SLC6A18: variants seen among roughly 807,000 people sequenced by gnomAD.
The protein encoded by SLC6A18 is inactive sodium-dependent neutral amino acid transporter B(0)AT3.
Under a neutral mutation model 62.9 loss-of-function variants are expected in SLC6A18, and 58 were observed. The observed-to-expected ratio is 0.92, with a 90% CI of 0.75 to 1.15. The LOEUF (loss-of-function observed/expected upper bound fraction) is 1.15, where lower values mean the gene tolerates loss of function less well. Among genes scored for constraint, SLC6A18 ranks in the 50% most tolerant of loss-of-function variants. The pLI is 0.00. For missense variants in SLC6A18, 793 were observed against 836.6 expected (o/e 0.95, Z 0.64); for synonymous variants, 382 against 365.8 (o/e 1.04, Z -0.51).
chr5:1,245,957 A>G lies in SLC6A18; in HGVS notation c.1766A>G (p.Gln589Arg). Residue 589 changes from glutamine to arginine, a missense_variant, in exon 12 of 12, where the codon CAG (glutamine) becomes CGG (arginine). Physicochemically the swap from Gln to Arg is conservative, Grantham distance 43. Transcript: ENST00000324642. ...VLWVPVAALA[Q>R]LLTRRRRTWR... The stretch of plus-strand genomic sequence containing the variant: ...TGGGTCCCGGTGGCCGCGCTTGCTC[A>G]GCTGCTCACCCGGCGGAGGCGGACG... 1 of 1,602,110 alleles carries G rather than the reference A, an allele frequency of 6.2e-7. No individual in the cohort carries two copies. Among genetic ancestry groups the G allele is most frequent in the Non-Finnish European group, 8.5e-7 (1 of 1,179,234 alleles).
rs773043248 is a variant in SLC6A18, at chr5:1,242,875, C to G, written c.1131+12C>G. 6.3e-7 allele frequency: 1 copy of G among 1,595,738 alleles called. No individual in the cohort carries two copies. Among genetic ancestry groups the G allele is most frequent in the African/African-American group, 1.3e-5 (1 of 74,438 alleles). On this transcript the variant is annotated intron_variant, in intron 8 of 11. Coordinates refer to ENST00000324642, the MANE Select transcript of SLC6A18 (RefSeq NM_182632.3). ...ACTTTCTGGATAAGGTACCTGCACA[C>G]CCCCTGGGGTAGCCAGGCAGGGCCG...
At chr5:1,235,810 C>A in intron 4 of SLC6A18, 148 bp downstream of exon 4, 1 of 772,976 alleles carries the variant, frequency 1.3e-6, no homozygotes, top group East Asian at 2.7e-5. Flanking sequence ...GAATTGATCC[C>A]ATTATCACTG....
chr5:1,239,153 G>C (rs1746982152), intron 5 of SLC6A18, among the ~76,000 whole-genome samples: 1 of 152,244 alleles, frequency 6.6e-6, no homozygotes, highest in Non-Finnish European at 1.5e-5. Context: ...GCCCATGCAG[G>C]AGCTGCTCAA....
At chr5:1,235,966 G>C (rs1237922258) in intron 4 of SLC6A18, among the ~76,000 whole-genome samples, 2 of 152,118 alleles carry the variant, frequency 1.3e-5, no homozygotes, top group Non-Finnish European at 2.9e-5. Context: ...TCTTTATGTT[G>C]AAAGTGTTTT....
At chr5:1,228,602 G>A (rs183466411) in intron 1 of SLC6A18, among the ~76,000 whole-genome samples, 78 of 152,306 alleles carry the variant, frequency 5.1e-4, no homozygotes, top group South Asian at 2.3e-3. Flanking sequence ...TCCCGTCTTC[G>A]GCAGACACCA....
chr5:1,230,690 C>A (rs909691557), intron 1 of SLC6A18, among the ~76,000 whole-genome samples: 9 of 152,190 alleles, frequency 5.9e-5, no homozygotes, highest in African/African-American at 2.2e-4. Flanking sequence ...CCGGACCCTG[C>A]CTGGCAAAGT....
Position 1,237,238 on chromosome 5 carries a change from C to G in SLC6A18, c.622-712C>G, listed in dbSNP as rs549821552. On this transcript the variant is annotated intron_variant, in intron 4 of 11. Transcript: ENST00000324642. ...CCTGGGCAAGAGAGCAAGACTCTGTCTCAAAAAAAAAAAAAAAAAAAAAAA... is the reference window on the plus strand; with the variant it reads ...CCTGGGCAAGAGAGCAAGACTCTGTGTCAAAAAAAAAAAAAAAAAAAAAAA... Among the ~76,000 whole-genome samples the G allele has an allele frequency of 1.9e-4, 11 of 58,158 alleles. No individual in the cohort carries two copies. In the South Asian group the frequency reaches 0.01, roughly 53 times the overall value. The allele number at this position is 58,158 out of a possible 152,430, so 38.2% of individuals were successfully genotyped here.
intron 1 of SLC6A18, among the ~76,000 whole-genome samples, chr5:1,229,679 G>A (rs573485018): frequency 1.3e-5 from 2 of 152,362 alleles, no homozygotes; most frequent in Admixed American, 6.5e-5. Context: ...GTGTGGCCAC[G>A]AAGCCACTAC....
Position 1,226,615 on chromosome 5 carries a change from A to G in SLC6A18, c.160+978A>G, listed in dbSNP as rs76552926. Among the ~76,000 whole-genome samples the G allele has an allele frequency of 9.1e-3, 1,382 of 152,296 alleles. 10 individuals are homozygous for G. Among genetic ancestry groups the G allele is most frequent in the Non-Finnish European group, 0.014 (938 of 68,028 alleles). On this transcript the variant is annotated intron_variant, in intron 1 of 11. Coordinates refer to ENST00000324642, the MANE Select transcript of SLC6A18 (RefSeq NM_182632.3). ...TGCAGGAAATGCGCACAAATGGAAA[A>G]AACAAAAAGAAACACCCGTCACTGC... is the stretch of plus-strand genomic sequence containing the variant.
rs750642461 is a variant in SLC6A18, at chr5:1,243,744, A to G, written c.1321A>G (p.Lys441Glu). The G allele has an allele frequency of 1.5e-5, 24 of 1,607,898 alleles. No individual in the cohort carries two copies. Among genetic ancestry groups the G allele is most frequent in the Non-Finnish European group, 2.0e-5 (23 of 1,176,538 alleles). ...DVGVLPRWVP[K>E]EALTGLVCLV... ...GGGGGTCCTGCCTAGATGGGTCCCC[A>G]AGGAGGCCCTGACTGGTGAGCGCAC... Residue 441 changes from lysine to glutamate, a missense_variant, in exon 9 of 12, where the codon AAG becomes GAG. Physicochemically the swap from Lys to Glu is moderately conservative, Grantham distance 56. Coordinates refer to ENST00000324642, the MANE Select transcript of SLC6A18 (RefSeq NM_182632.3). This position sits in a 1 kb window ranked among gnomAD's most constrained non-coding sequence, Gnocchi z 6.5.
chr5:1,231,394 T>C (rs1454403724), intron 1 of SLC6A18, among the ~76,000 whole-genome samples: 1 of 151,964 alleles, frequency 6.6e-6, no homozygotes, highest in African/African-American at 2.4e-5. Context: ...TGCCAGGAAG[T>C]GGGGGGACTG....
At chr5:1,227,066 C>G (rs1274017171) in intron 1 of SLC6A18, among the ~76,000 whole-genome samples, 1 of 148,188 alleles carries the variant, frequency 6.7e-6, no homozygotes, top group East Asian at 2.0e-4. Context: ...ACACCTTGCC[C>G]GCCGACCCCT....
chr5:1,238,060 C>A lies in SLC6A18; in HGVS notation c.732C>A (p.Asn244Lys), dbSNP rs200651395. The change falls in exon 5 of 12, where the codon AAC (asparagine) becomes AAA (lysine). Residue 244 changes from asparagine (N) to lysine (K), a missense_variant and splice_region_variant. By Grantham distance (94) the Asn-to-Lys change is moderately conservative (BLOSUM62 0). Transcript: ENST00000324642. ...TKGLIYLFTPNMHILQNPRVW... is the reference protein window; with the variant it reads ...TKGLIYLFTPKMHILQNPRVW... Reference sequence around the variant, plus strand: ...GACTCATCTACTTGTTCACTCCCAACGTAAGTGGGTCTTGGATCAAAGTTC... The same window carrying A: ...GACTCATCTACTTGTTCACTCCCAAAGTAAGTGGGTCTTGGATCAAAGTTC... The A allele has an allele frequency of 6.8e-6, 11 of 1,608,676 alleles. No individual in the cohort carries two copies. The Admixed American group carries it at 1.3e-4, about 19-fold the overall frequency.
intron 7 of SLC6A18, among the ~76,000 whole-genome samples, chr5:1,242,351 G>A (rs1378257917): frequency 6.6e-6 from 1 of 151,820 alleles, no homozygotes; most frequent in Non-Finnish European, 1.5e-5. Flanking sequence ...TCCCAACAGG[G>A]GCAGGAGGCG....
rs762736677 is a variant in SLC6A18 at position 1,239,538 on chromosome 5, C to T, written c.821C>T (p.Ala274Val). 3.7e-6 allele frequency: 6 copies of T among 1,614,126 alleles called. No individual in the cohort carries two copies. Among genetic ancestry groups the T allele is most frequent in the Non-Finnish European group, 5.1e-6 (6 of 1,179,992 alleles). ...TCCCTGGCCTTCGGAGGACACATCG[C>T]TTTTGCAAGTTACAACTCGCCCAGG... is the stretch of plus-strand genomic sequence containing the variant. ...SLSLAFGGHI[A>V]FASYNSPRND... Residue 274 changes from alanine to valine, a missense_variant, in exon 6 of 12, where the codon GCT (alanine) becomes GTT (valine). Coordinates refer to ENST00000324642, the MANE Select transcript of SLC6A18 (RefSeq NM_182632.3).
rs1181163607 is a variant in SLC6A18 at position 1,242,761 on chromosome 5, GGAC to G, written c.1033_1035del (p.Asp345del). 6.2e-7 allele frequency: 1 copy of G among 1,613,886 alleles called. No homozygotes were observed. The highest frequency in any genetic ancestry group is 8.5e-7 in the Non-Finnish European group (1 of 1,179,822). ...ACTTCCCAGAGCAGAGCATCTCCAG[GGAC>G]GACTACCCAGCCGTCCTCATGCACC... On this transcript the variant is annotated inframe_deletion, in exon 8 of 12. Coordinates refer to ENST00000324642, the MANE Select transcript of SLC6A18 (RefSeq NM_182632.3).
intron 5 of SLC6A18, among the ~76,000 whole-genome samples, chr5:1,239,075 A>G (rs574690071): frequency 1.3e-5 from 2 of 152,360 alleles, no homozygotes; most frequent in African/African-American, 4.8e-5. Flanking sequence ...GGCTCCGTGC[A>G]TGGCATCCCT....
Position 1,245,898 on chromosome 5 carries a change from C to T in SLC6A18, c.1707C>T (p.Ala569=), listed in dbSNP as rs956393739. ...QEKLYPGWAR[A]ACVLLSLLPV... Reference sequence around the variant, plus strand: ...AGCTCTACCCGGGCTGGGCGCGCGCCGCCTGTGTGCTGCTGTCCTTGCTGC... The same window carrying T: ...AGCTCTACCCGGGCTGGGCGCGCGCTGCCTGTGTGCTGCTGTCCTTGCTGC... The change falls in exon 12 of 12, where the codon GCC becomes GCT. Residue 569 remains alanine (A), a synonymous_variant. Coordinates refer to ENST00000324642, the MANE Select transcript of SLC6A18 (RefSeq NM_182632.3). The T allele has an allele frequency of 6.2e-6, 10 of 1,607,692 alleles. No homozygotes were observed. Among genetic ancestry groups the T allele is most frequent in the Non-Finnish European group, 8.5e-6 (10 of 1,179,342 alleles).
chr5:1,237,800 A>C, intron 4 of SLC6A18, 150 bp from the exon 5 acceptor site: 36 of 589,738 alleles, frequency 6.1e-5, no homozygotes, highest in East Asian at 6.1e-5. Context: ...ACCATCCCCC[A>C]AGGTGCACCC....
Sources: gnomAD v4.1 joint callset for allele counts (sites outside exome capture counted in the v4.1 genomes callset) on GRCh38, gnomAD v4.1.1 for gene constraint, Gnocchi (gnomAD v3.1) non-coding constraint, MANE v1.5 for transcripts, NCBI Gene and HGNC (gene_info 2026-07-23, HGNC 2026-07-21) for gene names.